The following TPRA1 variants were observed in gnomAD, a reference collection of about 807,000 sequenced individuals.
TPRA1 encodes the protein transmembrane protein adipocyte associated 1.
A neutral mutation model predicts 40.1 loss-of-function variants in TPRA1; 28 were observed. That is an observed-to-expected ratio of 0.70 (90% confidence interval 0.52 to 0.96). The LOEUF (loss-of-function observed/expected upper bound fraction) is 0.96, where lower values mean the gene tolerates loss of function less well. TPRA1 is among the 40% of genes least tolerant of loss of function. The pLI, the probability that TPRA1 is intolerant of heterozygous loss-of-function variation, is 0.00. For missense variants in TPRA1, 441 were observed against 482.6 expected (o/e 0.91, Z 0.81); for synonymous variants, 219 against 209.7 (o/e 1.04, Z -0.38).
upstream of TPRA1, chr3:127,595,470 G>A (rs2074231747): frequency 6.6e-6 from 1 of 152,298 alleles, no homozygotes; most frequent in Admixed American, 6.5e-5. Flanking sequence ...ACACTTCAAT[G>A]TAGTGTCTGA....
intron 8 of TPRA1, 59 bp downstream of exon 8, chr3:127,575,690 T>G: frequency 1.3e-6 from 2 of 1,580,892 alleles, no homozygotes; most frequent in South Asian, 1.1e-5. Flanking sequence ...AGCTCTACAG[T>G]GGCCCGGTAG....
intron 1 of TPRA1, among the ~76,000 whole-genome samples, chr3:127,584,330 A>G (rs368296631): frequency 1.7e-4 from 25 of 150,966 alleles, no homozygotes; most frequent in Admixed American, 1.3e-3. Flanking sequence ...AGTCTTAGCT[A>G]CTCGGTGGGG....
upstream of TPRA1, chr3:127,595,580 A>G (rs1359380900): frequency 6.6e-6 from 1 of 152,262 alleles, no homozygotes; most frequent in African/African-American, 2.4e-5. Flanking sequence ...GACCCCATCC[A>G]CCATCTTGAC....
At position 127,576,540 on chromosome 3, in the gene TPRA1, A is replaced by T; in HGVS notation, c.498+77T>A. The T allele has an allele frequency of 7.1e-7, 1 of 1,404,326 alleles. No individual in the cohort carries two copies. The highest frequency in any genetic ancestry group is 9.7e-7 in the Non-Finnish European group (1 of 1,034,856). The allele number at this position is 1,404,326 out of a possible 1,614,324, so 87.0% of individuals were successfully genotyped here. On this transcript the variant is annotated intron_variant, in intron 6 of 10. Coordinates refer to ENST00000355552, the MANE Select transcript of TPRA1 (RefSeq NM_001136053.4). This position sits in a 1 kb window ranked among gnomAD's most constrained non-coding sequence, Gnocchi z 4.6. ...ACTCTGAAGGTGATAAAGACTGGAA[A>T]CCTGACCCAGACCCAGAAGCAGTGG...
At chr3:127,583,731 C>T (rs1005106888) in intron 1 of TPRA1, among the ~76,000 whole-genome samples, 1 of 151,380 alleles carries the variant, frequency 6.6e-6, no homozygotes, top group Non-Finnish European at 1.5e-5. Context: ...AGTGCAGTGG[C>T]GTGATCTCGG....
chr3:127,578,048 C>T (rs1452718252), intron 3 of TPRA1, among the ~76,000 whole-genome samples: 1 of 152,188 alleles, frequency 6.6e-6, no homozygotes, highest in Non-Finnish European at 1.5e-5. Context: ...GCCCCAGCAG[C>T]ACTGCTGTGC....
At chr3:127,579,637 G>C in intron 3 of TPRA1, 103 bp downstream of exon 3, 1 of 1,314,818 alleles carries the variant, frequency 7.6e-7, no homozygotes, top group East Asian at 2.5e-5. Context: ...TAACTGCCTG[G>C]ATCCAGCCAT....
intron 1 of TPRA1, among the ~76,000 whole-genome samples, chr3:127,588,795 C>T (rs755947533): frequency 1.3e-5 from 2 of 152,204 alleles, no homozygotes; most frequent in African/African-American, 2.4e-5. Flanking sequence ...CACGTGGTGA[C>T]ACACTTAACA....
intron 1 of TPRA1, among the ~76,000 whole-genome samples, chr3:127,580,923 G>A (rs2073811901): frequency 6.6e-6 from 1 of 152,258 alleles, no homozygotes; most frequent in South Asian, 2.1e-4. Context: ...ACGCTGCAGG[G>A]TGAAGCCAGG....
At chr3:127,577,298 C>T (rs2073675428) in intron 3 of TPRA1, among the ~76,000 whole-genome samples, 1 of 152,208 alleles carries the variant, frequency 6.6e-6, no homozygotes, top group African/African-American at 2.4e-5. Context: ...GCCTGGCCCT[C>T]CCTCTCGGGG....
chr3:127,580,380 G>C (rs114533685), intron 1 of TPRA1: 1 of 540,946 alleles, frequency 1.8e-6, no homozygotes, highest in Admixed American at 3.3e-5. Context: ...TCTATCTCAC[G>C]ACCTGCAAAT....
chr3:127,596,521 G>A (rs1470027546), intron 1 of TPRA1, among the ~76,000 whole-genome samples: 1 of 152,156 alleles, frequency 6.6e-6, no homozygotes, highest in Admixed American at 6.5e-5. Context: ...GGTTTCCCAG[G>A]TCCCAGGCTT....
intron 1 of TPRA1, among the ~76,000 whole-genome samples, chr3:127,587,806 T>G (rs2074044318): frequency 6.6e-6 from 1 of 151,674 alleles, no homozygotes; most frequent in African/African-American, 2.4e-5. Context: ...CCTCCCAAGT[T>G]GCTGGGATTA....
chr3:127,597,597 C>T (rs551634879), intron 1 of TPRA1, among the ~76,000 whole-genome samples: 14 of 152,334 alleles, frequency 9.2e-5, no homozygotes, highest in African/African-American at 3.1e-4. Flanking sequence ...TGCAGCTTTG[C>T]ACATGGCATC....
At chr3:127,588,948 G>T (rs1295557895) in intron 1 of TPRA1, among the ~76,000 whole-genome samples, 2 of 152,242 alleles carry the variant, frequency 1.3e-5, no homozygotes, top group Admixed American at 1.3e-4. Flanking sequence ...AGAAGTGGGA[G>T]GGGTTGGTCA....
chr3:127,580,003 A>G lies in TPRA1; in HGVS notation c.125+19T>C. 2 of 1,612,756 alleles carry G rather than the reference A, an allele frequency of 1.2e-6. No homozygotes were observed. The highest frequency in any genetic ancestry group is 1.7e-6 in the Non-Finnish European group (2 of 1,179,918). ...CCACTGACACTCAGCGAGCCTGCCC[A>G]GCGTTGTGACTGCCTCACCTGGAGG... On this transcript the variant is annotated intron_variant, in intron 2 of 10. Transcript: ENST00000355552.
At chr3:127,575,054 A>T in intron 10 of TPRA1, 131 bp downstream of exon 10, 1 of 942,874 alleles carries the variant, frequency 1.1e-6, no homozygotes, top group Non-Finnish European at 1.6e-6. Context: ...GCCCAAGTGC[A>T]TGTATGTATG....
At chr3:127,586,486 G>A (rs1214046605) in intron 1 of TPRA1, among the ~76,000 whole-genome samples, 2 of 152,176 alleles carry the variant, frequency 1.3e-5, no homozygotes, top group Admixed American at 1.3e-4. Flanking sequence ...AGCCTCCCAA[G>A]TAGCTAGGAT....
chr3:127,593,871 C>T (rs565615403), upstream of TPRA1, among the ~76,000 whole-genome samples: 5 of 152,326 alleles, frequency 3.3e-5, no homozygotes, highest in South Asian at 8.3e-4. Flanking sequence ...TATCAGGGAC[C>T]ATTTGCACTC....
Sources: gnomAD v4.1 joint callset for allele counts (sites outside exome capture counted in the v4.1 genomes callset) on GRCh38, gnomAD v4.1.1 for gene constraint, Gnocchi (gnomAD v3.1) non-coding constraint, MANE v1.5 for transcripts, NCBI Gene and HGNC (gene_info 2026-07-23, HGNC 2026-07-21) for gene names.